Variants in GMEB1 observed in about 807,000 individuals in gnomAD.
The protein encoded by GMEB1 is glucocorticoid modulatory element binding protein 1.
In GMEB1, 6 loss-of-function variants were observed where a neutral mutation model predicts 52.4. The observed-to-expected ratio is 0.11, with a 90% CI of 0.06 to 0.23. The LOEUF (loss-of-function observed/expected upper bound fraction) is 0.23, where lower values mean the gene tolerates loss of function less well. Ranked by LOEUF, GMEB1 falls within the 10% of genes least tolerant of loss-of-function variation. GMEB1 has a pLI of 1.00. For missense variants in GMEB1, 486 were observed against 685.6 expected (o/e 0.71, Z 3.25); for synonymous variants, 255 against 244.9 (o/e 1.04, Z -0.38).
rs756760222 is a variant in GMEB1 at position 28,702,467 on chromosome 1, G to A, written c.628G>A (p.Glu210Lys). ...CATCACGCAGATTGCCATCTCAGAA[G>A]AGAGCATGGAAGAGGCAGGGCTGGA... Reference protein sequence around the residue: ...GSITQIAISEESMEEAGLEWN... With the variant: ...GSITQIAISEKSMEEAGLEWN... Residue 210 changes from glutamate (E) to lysine (K), a missense_variant, in exon 7 of 10, where the codon GAG becomes AAG. By Grantham distance (56) the Glu-to-Lys change is moderately conservative (BLOSUM62 1). This residue lies in a region of GMEB1 where 200 missense variants were observed against 253.5 expected (regional missense o/e 0.79). Coordinates refer to ENST00000373816, the MANE Select transcript of GMEB1 (RefSeq NM_001319674.2). 6.2e-7 allele frequency: 1 copy of A among 1,613,576 alleles called. No homozygotes were observed. Among genetic ancestry groups the A allele is most frequent in the South Asian group, 1.1e-5 (1 of 91,072 alleles).
In GMEB1 at chr1:28,690,185, T is replaced by G; in HGVS notation, c.210T>G (p.Ile70Met). The G allele has an allele frequency of 7.5e-7, 1 of 1,331,404 alleles. No homozygotes were observed. Among genetic ancestry groups the G allele is most frequent in the South Asian group, 1.3e-5 (1 of 77,588 alleles). The allele number at this position is 1,331,404 out of a possible 1,614,324, so 82.5% of individuals were successfully genotyped here. ...THTIHKIEEG[I>M]DTGTIEANED... ...CGATACACAAAATTGAAGAAGGGATTGGTAAGGGTTTTTTTGTGTTTTTTT... is the reference window on the plus strand; with the variant it reads ...CGATACACAAAATTGAAGAAGGGATGGGTAAGGGTTTTTTTGTGTTTTTTT... The change falls in exon 3 of 10, where the codon ATT becomes ATG. Residue 70 changes from isoleucine (I) to methionine (M), a missense_variant and splice_region_variant. Transcript: ENST00000373816.
intron 1 of GMEB1, among the ~76,000 whole-genome samples, chr1:28,674,295 CT>C (rs770436305): frequency 4.6e-5 from 7 of 152,100 alleles, no homozygotes; most frequent in Non-Finnish European, 7.4e-5. Flanking sequence ...GCCAAAAACA[CT>C]GTACTCCACA....
intron 2 of GMEB1, chr1:28,689,889 G>T: frequency 2.2e-6 from 1 of 449,164 alleles, no homozygotes. Context: ...CCTTTGAGGT[G>T]AGGAGAGTTG....
chr1:28,676,052 C>T (rs972746839), intron 1 of GMEB1, among the ~76,000 whole-genome samples: 2 of 152,144 alleles, frequency 1.3e-5, no homozygotes, highest in African/African-American at 4.8e-5. Flanking sequence ...CTCTGATAAA[C>T]TCTCAGAAGG....
chr1:28,687,461 CT>C (rs1274356634), intron 2 of GMEB1, among the ~76,000 whole-genome samples: 2 of 149,772 alleles, frequency 1.3e-5, no homozygotes, highest in Non-Finnish European at 3.0e-5. Flanking sequence ...AAAGATGGCA[CT>C]TTTGGGAACC....
chr1:28,670,370 C>T (rs187240265), intron 1 of GMEB1, among the ~76,000 whole-genome samples: 101 of 151,294 alleles, frequency 6.7e-4, no homozygotes, highest in African/African-American at 2.4e-3. Context: ...TCCTGTTGCC[C>T]AGACTGGAGT....
chr1:28,702,350 G>A, intron 6 of GMEB1, 88 bp from the exon 7 acceptor site: 1 of 1,013,642 alleles, frequency 9.9e-7, no homozygotes, highest in Non-Finnish European at 1.5e-6. Context: ...AAATAACAAG[G>A]TCTTTGTAGC....
intron 2 of GMEB1, among the ~76,000 whole-genome samples, chr1:28,684,191 CTTTTTTT>C (rs1669523652): frequency 6.6e-6 from 1 of 151,954 alleles, no homozygotes; most frequent in African/African-American, 2.4e-5. Context: ...GTTCTTTTTT[CTTTTTTT>C]ATTTTCATAA....
intron 8 of GMEB1, among the ~76,000 whole-genome samples, chr1:28,705,445 C>CTTTT (rs34597945): frequency 1.6e-5 from 2 of 123,088 alleles, no homozygotes; most frequent in African/African-American, 5.9e-5. Flanking sequence ...TATGTATTTT[C>CTTTT]TTTTTTTTTT....
intron 1 of GMEB1, among the ~76,000 whole-genome samples, chr1:28,671,512 C>T (rs1184488408): frequency 2.0e-5 from 3 of 152,056 alleles, no homozygotes; most frequent in Non-Finnish European, 4.4e-5. Flanking sequence ...TGAGCGGCCT[C>T]CTCGGCCTCT....
chr1:28,691,434 TC>T (rs1669958781), intron 3 of GMEB1, 150 bp from the exon 4 acceptor site: 2 of 397,088 alleles, frequency 5.0e-6, no homozygotes, highest in South Asian at 8.2e-5. Context: ...AAGAGATAGC[TC>T]TTAGGCCAAA....
chr1:28,698,591 T>C (rs1366241739), intron 6 of GMEB1, among the ~76,000 whole-genome samples: 15 of 148,190 alleles, frequency 1.0e-4, no homozygotes, highest in Admixed American at 2.0e-4. Flanking sequence ...AGGAGAATGG[T>C]GTGAACCCAG....
chr1:28,685,429 G>A (rs1194164804), intron 2 of GMEB1, among the ~76,000 whole-genome samples: 1 of 152,014 alleles, frequency 6.6e-6, no homozygotes, highest in Non-Finnish European at 1.5e-5. Flanking sequence ...CCACTGCACT[G>A]CAGCAGTAGG....
rs1258162969 is a variant in GMEB1 at position 28,714,886 on chromosome 1, AC to A, written c.*114del. ...AGGACCCTTTTTTAAAAAAAAAAAA[AC>A]AAAATCTTATTGTTGTAACTGAAAA... On this transcript the variant is annotated 3_prime_UTR_variant, in exon 10 of 10. Transcript: ENST00000373816. 69 of 763,086 alleles carry A rather than the reference AC, an allele frequency of 9.0e-5. No homozygotes were observed. The highest frequency in any genetic ancestry group is 4.3e-4 in the East Asian group (16 of 36,824). 47.3% of individuals were successfully genotyped at this position (763,086 alleles called of 1,614,324 possible).
At chr1:28,681,268 A>G (rs1669376337) in intron 1 of GMEB1, among the ~76,000 whole-genome samples, 1 of 151,942 alleles carries the variant, frequency 6.6e-6, no homozygotes, top group Non-Finnish European at 1.5e-5. Flanking sequence ...GCCAAAAAGG[A>G]AGGGAAAGAG....
chr1:28,691,515 C>T (rs1669962097), intron 3 of GMEB1, 70 bp from the exon 4 acceptor site: 2 of 1,158,826 alleles, frequency 1.7e-6, no homozygotes, highest in Non-Finnish European at 2.4e-6. Context: ...AACCAGGAGA[C>T]TAGAGATTTT....
intron 1 of GMEB1, among the ~76,000 whole-genome samples, chr1:28,677,264 CT>C (rs1205011593): frequency 5.5e-5 from 8 of 144,530 alleles, no homozygotes; most frequent in Admixed American, 2.1e-4. Flanking sequence ...TTTTTTTTTT[CT>C]TTTTTTTTTG....
chr1:28,686,997 A>G (rs528289934), intron 2 of GMEB1, among the ~76,000 whole-genome samples: 1 of 152,106 alleles, frequency 6.6e-6, no homozygotes, highest in South Asian at 2.1e-4. Context: ...ATTATATTGA[A>G]GGGATTAGGA....
intron 6 of GMEB1, 35 bp from the exon 7 acceptor site, chr1:28,702,403 A>T (rs1162308875): frequency 1.9e-6 from 3 of 1,592,244 alleles, no homozygotes; most frequent in African/African-American, 1.3e-5. Flanking sequence ...TTTTCGTTAA[A>T]TTCACTGTTC....
Sources: allele counts gnomAD v4.1 joint callset (sites outside exome capture counted in the v4.1 genomes callset), GRCh38; gene constraint gnomAD v4.1.1; regional missense constraint gnomAD v4.1.1; transcripts MANE v1.5; gene names NCBI Gene and HGNC (gene_info 2026-07-23, HGNC 2026-07-21).